Variants in KLRK1 observed in about 807,000 individuals in gnomAD.
KLRK1 encodes NKG2-D type II integral membrane protein.
KLRK1 carries 40 observed loss-of-function variants against 31.3 expected under a neutral mutation model. That is an observed-to-expected ratio of 1.28 (90% CI 0.99 to 1.67). The LOEUF is 1.67. Among genes scored for constraint, KLRK1 ranks in the 40% most tolerant of loss-of-function variants. KLRK1 has a pLI of 0.00. For missense variants in KLRK1, 251 were observed against 260.0 expected (o/e 0.97, Z 0.24); for synonymous variants, 77 against 77.3 (o/e 1.00, Z 0.02).
At chr12:10,377,005 C>T (rs909437439) in intron 7 of KLRK1, among the ~76,000 whole-genome samples, 6 of 152,032 alleles carry the variant, frequency 3.9e-5, no homozygotes, top group Admixed American at 6.6e-5. Context: ...TTAGTAGAGA[C>T]AGGGTTTCAC....
At chr12:10,381,746 A>G (rs1399059355) in intron 3 of KLRK1, 2 of 152,254 alleles carry the variant, frequency 1.3e-5, no homozygotes, top group Non-Finnish European at 2.9e-5. Context: ...GTGCGCTATC[A>G]CAGTACCCTG....
chr12:10,376,613 A>T (rs950026587), intron 7 of KLRK1, among the ~76,000 whole-genome samples: 1 of 152,136 alleles, frequency 6.6e-6, no homozygotes, highest in African/African-American at 2.4e-5. Flanking sequence ...TAAGAAACTA[A>T]AAAAGCAAAT....
At chr12:10,380,012 C>G (rs532426550) in intron 3 of KLRK1, among the ~76,000 whole-genome samples, 9 of 151,916 alleles carry the variant, frequency 5.9e-5, no homozygotes, top group African/African-American at 2.2e-4. Flanking sequence ...TACAAGTTCC[C>G]CAGTCATCCC....
chr12:10,386,162 G>A (rs973508904), intron 3 of KLRK1, among the ~76,000 whole-genome samples: 5 of 151,646 alleles, frequency 3.3e-5, no homozygotes, highest in Admixed American at 1.3e-4. Flanking sequence ...CTTAGGTCTT[G>A]CTATGAGAAA....
intron 7 of KLRK1, among the ~76,000 whole-genome samples, chr12:10,375,358 T>C (rs2137802172): frequency 6.6e-6 from 1 of 152,312 alleles, no homozygotes; most frequent in South Asian, 2.1e-4. Context: ...TTATTCATTT[T>C]GTAACTTAAG....
intron 5 of KLRK1, 88 bp downstream of exon 5, chr12:10,379,359 C>T (rs2137808693): frequency 3.8e-6 from 3 of 780,426 alleles, no homozygotes; most frequent in East Asian, 3.4e-5. Context: ...TTACTTTTTC[C>T]TTTTTTAATC....
intron 7 of KLRK1, among the ~76,000 whole-genome samples, chr12:10,376,868 G>A (rs1460610699): frequency 2.7e-5 from 4 of 150,240 alleles, no homozygotes; most frequent in Non-Finnish European, 5.9e-5. Context: ...TCAGGCTGGA[G>A]TGCAGCGGCG....
chr12:10,382,034 A>T (rs2137813304), intron 3 of KLRK1: 1 of 152,344 alleles, frequency 6.6e-6, no homozygotes, highest in African/African-American at 2.4e-5. Flanking sequence ...AGGTGAATCC[A>T]CTGCTTAGGC....
At chr12:10,386,880 G>C in intron 3 of KLRK1, 23 bp downstream of exon 3, 2 of 1,582,134 alleles carry the variant, frequency 1.3e-6, no homozygotes, top group Non-Finnish European at 8.6e-7. Flanking sequence ...ACTGAGAGTA[G>C]ACAAATGGAA....
rs1862894018 is a variant in KLRK1 at position 10,373,131 on chromosome 12, T to G, written c.634A>C (p.Met212Leu). 1.2e-6 allele frequency: 2 copies of G among 1,612,582 alleles called. No homozygotes were observed. Among genetic ancestry groups the G allele is most frequent in the East Asian group, 2.2e-5 (1 of 44,812 alleles). The change falls in exon 8 of 8, where the codon ATG becomes CTG. Residue 212 changes from methionine to leucine, a missense_variant. Coordinates refer to ENST00000240618, the MANE Select transcript of KLRK1 (RefSeq NM_007360.4). ...NCSTPNTYIC[M>L]QRTV The stretch of plus-strand genomic sequence containing the variant: ...GATCATCTTTACACAGTCCTTTGCA[T>G]GCAGATGTACGTATTTGGAGTTGAA...
intron 7 of KLRK1, among the ~76,000 whole-genome samples, chr12:10,375,187 A>G (rs746457573): frequency 6.6e-6 from 1 of 152,212 alleles, no homozygotes; most frequent in Non-Finnish European, 1.5e-5. Context: ...AATTGAAAAT[A>G]ACACATGAGA....
intron 4 of KLRK1, 30 bp from the exon 5 acceptor site, chr12:10,379,512 T>C: frequency 7.1e-7 from 1 of 1,412,410 alleles, no homozygotes; most frequent in Admixed American, 2.1e-5. Flanking sequence ...TATTAAAAGT[T>C]TGTATTGTTA....
At position 10,378,669 on chromosome 12, in the gene KLRK1, C is replaced by T. The variant is rs1863010647; in HGVS notation, c.314G>A (p.Cys105Tyr). 3 of 1,609,072 alleles carry T rather than the reference C, an allele frequency of 1.9e-6. No homozygotes were observed. The South Asian group carries it at 3.3e-5, about 18-fold the overall frequency. The change falls in exon 6 of 8, where the codon TGT becomes TAT. Residue 105 changes from cysteine to tyrosine, a missense_variant. Cys to Tyr is a radical substitution (Grantham distance 194). Transcript: ENST00000240618. The stretch of plus-strand genomic sequence containing the variant: ...AAATTGGTAGCAGTTATTTTTGTAA[C>T]ATATCCAGTTTTTAGGACATGGGCC... The part of the protein sequence containing the change: ...YCGPCPKNWI[C>Y]YKNNCYQFFD...
chr12:10,376,432 TAATCAATG>T (rs1862967465), intron 7 of KLRK1, among the ~76,000 whole-genome samples: 1 of 152,056 alleles, frequency 6.6e-6, no homozygotes, highest in African/African-American at 2.4e-5. Context: ...CACATGTAAA[TAATCAATG>T]AATCAAAGAA....
Position 10,382,706 on chromosome 12 carries a change from G to A in KLRK1, c.149-2914C>T, listed in dbSNP as rs558102260. On this transcript the variant is annotated intron_variant, in intron 3 of 7. Transcript: ENST00000240618. ...GACAAATTCAGAATATTCTAATACT[G>A]TAATTGTGGTGCCTCAACCACTCAG... 2.6e-5 allele frequency among the ~76,000 whole-genome samples: 4 copies of A among 152,244 alleles called. No homozygotes were observed. In the South Asian group the frequency reaches 8.3e-4, roughly 32 times the overall value.
Position 10,388,820 on chromosome 12 carries a change from AT to A in KLRK1, c.-11del, listed in dbSNP as rs754749228. 4 of 1,613,978 alleles carry A rather than the reference AT, an allele frequency of 2.5e-6. No individual in the cohort carries two copies. Among genetic ancestry groups the A allele is most frequent in the Non-Finnish European group, 3.4e-6 (4 of 1,179,934 alleles). ...CACGAATCCACCCCATCAAATACTTATAAGTGCACGTCTACCGCAGAGAGGA... is the reference window on the plus strand; with the variant it reads ...CACGAATCCACCCCATCAAATACTTAAAGTGCACGTCTACCGCAGAGAGGA... On this transcript the variant is annotated 5_prime_UTR_variant, in exon 2 of 8. Transcript: ENST00000240618.
chr12:10,382,513 G>C (rs1045334870), intron 3 of KLRK1, among the ~76,000 whole-genome samples: 1 of 152,104 alleles, frequency 6.6e-6, no homozygotes, highest in African/African-American at 2.4e-5. Flanking sequence ...ACATGATGGA[G>C]AGAAAAAGTA....
At chr12:10,380,264 A>G (rs555490246) in intron 3 of KLRK1, among the ~76,000 whole-genome samples, 2 of 151,800 alleles carry the variant, frequency 1.3e-5, no homozygotes, top group East Asian at 3.9e-4. Flanking sequence ...ATAGGGTTTC[A>G]CCGTGTTAGC....
chr12:10,378,263 G>A (rs771611357), intron 6 of KLRK1, 28 bp from the exon 7 acceptor site: 2 of 1,597,878 alleles, frequency 1.3e-6, no homozygotes, highest in African/African-American at 1.4e-5. Context: ...TAAACTATAA[G>A]TAAAATCAGT....
Sources: allele counts gnomAD v4.1 joint callset (sites outside exome capture counted in the v4.1 genomes callset), GRCh38; gene constraint gnomAD v4.1.1; transcripts MANE v1.5; gene names NCBI Gene and HGNC (gene_info 2026-07-23, HGNC 2026-07-21).